Variants in TENM1 observed in about 807,000 individuals in gnomAD.
TENM1 encodes the protein teneurin-1.
TENM1 carries 35 observed loss-of-function variants against 174.8 expected under a neutral mutation model. The observed-to-expected ratio is 0.20, with a 90% CI of 0.15 to 0.27. The LOEUF (loss-of-function observed/expected upper bound fraction) is 0.27, where lower values mean the gene tolerates loss of function less well. Among genes scored for constraint, TENM1 ranks in the 10% least tolerant of loss-of-function variants. The probability of loss-of-function intolerance (pLI) is 1.00; values close to 1 mark genes in which losing one functional copy is unlikely to be tolerated. For synonymous variants in TENM1, 781 were observed against 798.7 expected, an observed-to-expected ratio of 0.98 and a Z score of 0.37; for missense variants, 1,633 against 2,130.1, an observed-to-expected ratio of 0.77 and a Z score of 4.59.
intron 4 of TENM1, among the ~76,000 whole-genome samples, chrX:124,710,473 G>T (rs370916680): frequency 6.0e-4 from 67 of 111,813 alleles, no homozygotes; most frequent in African/African-American, 2.0e-3. Context: ...ATAATATTAA[G>T]AGGTGGAAGG....
chrX:125,033,495 G>A, the TENM1 span, among the ~76,000 whole-genome samples: 2 of 111,549 alleles, frequency 1.8e-5, no homozygotes, highest in South Asian at 3.8e-4. Flanking sequence ...AAGCTGTGAC[G>A]ATACAGCCTG....
intron 6 of TENM1, among the ~76,000 whole-genome samples, chrX:124,664,291 TG>T (rs1267648887): frequency 9.0e-6 from 1 of 111,080 alleles, no homozygotes; most frequent in African/African-American, 3.3e-5. Flanking sequence ...GAACCAATAT[TG>T]CAGAACCACA....
chrX:124,757,642 C>T (rs1396521492), intron 3 of TENM1, among the ~76,000 whole-genome samples: 1 of 112,058 alleles, frequency 8.9e-6, no homozygotes, highest in Non-Finnish European at 1.9e-5. Flanking sequence ...CTTTGTCACT[C>T]AGTATAATAG....
In TENM1 at chrX:124,517,778, G is replaced by A. The variant is rs2047747080; in HGVS notation, c.3301+2739C>T. On this transcript the variant is annotated intron_variant, in intron 18 of 31. Coordinates refer to ENST00000422452, the Ensembl canonical transcript of TENM1. ...GTATACATATGTAACAAACCTGGAC[G>A]TTGTGCACATGTACCCTACAACTTA... Among the ~76,000 whole-genome samples, 4 of 108,946 alleles carry A rather than the reference G, an allele frequency of 3.7e-5. No individual in the cohort carries two copies. The South Asian group carries it at 1.2e-3, about 34-fold the overall frequency. 94.6% of individuals were successfully genotyped at this position (108,946 alleles called of 115,157 possible).
chrX:124,460,284 T>C (rs1240003778), intron 22 of TENM1, among the ~76,000 whole-genome samples: 1 of 111,706 alleles, frequency 9.0e-6, no homozygotes, highest in Non-Finnish European at 1.9e-5. Context: ...CACGTGTATG[T>C]TCATTGCAGC....
chrX:124,781,484 T>C (rs2054911217), intron 3 of TENM1, among the ~76,000 whole-genome samples: 1 of 112,105 alleles, frequency 8.9e-6, no homozygotes, highest in African/African-American at 3.2e-5. Flanking sequence ...ATACTCTACT[T>C]TATTTTCCTA....
At chrX:124,438,388 T>C (rs1307246623) in intron 23 of TENM1, among the ~76,000 whole-genome samples, 1 of 110,703 alleles carries the variant, frequency 9.0e-6, no homozygotes, top group African/African-American at 3.3e-5. Context: ...GATATTTCTG[T>C]ATCTTAGAGA....
chrX:124,558,077 T>C (rs1209845666), intron 14 of TENM1, among the ~76,000 whole-genome samples: 1 of 112,232 alleles, frequency 8.9e-6, no homozygotes, highest in African/African-American at 3.2e-5. Flanking sequence ...ATACATAAGA[T>C]AGCTTTCCTT....
chrX:124,810,978 A>G (rs186311349), intron 3 of TENM1, among the ~76,000 whole-genome samples: 2 of 111,676 alleles, frequency 1.8e-5, no homozygotes, highest in East Asian at 5.6e-4. Flanking sequence ...AGTTGTTAAG[A>G]AATCTGGTAT....
At chrX:124,984,605 C>A in the TENM1 span, among the ~76,000 whole-genome samples, 1 of 111,624 alleles carries the variant, frequency 9.0e-6, no homozygotes, top group East Asian at 2.8e-4. Flanking sequence ...GATTCTTTGA[C>A]CTTCAGGGCA....
intron 18 of TENM1, among the ~76,000 whole-genome samples, chrX:124,507,075 C>T (rs1012994469): frequency 9.1e-6 from 1 of 110,296 alleles, no homozygotes; most frequent in African/African-American, 3.3e-5. Flanking sequence ...CAGTCTCTAG[C>T]ACTCTGGAGT....
intron 23 of TENM1, among the ~76,000 whole-genome samples, chrX:124,434,894 T>G (rs1327598210): frequency 8.9e-6 from 1 of 112,180 alleles, no homozygotes; most frequent in African/African-American, 3.2e-5. Context: ...TCTCAGCCCT[T>G]CTGGGGGTGG....
At chrX:125,166,935 A>G in the TENM1 span, among the ~76,000 whole-genome samples, 1 of 111,841 alleles carries the variant, frequency 8.9e-6, no homozygotes, top group African/African-American at 3.2e-5. Context: ...CAATGACAAA[A>G]TGGAGCAGCT....
chrX:124,775,528 T>C (rs1460395836), intron 3 of TENM1, among the ~76,000 whole-genome samples: 2 of 111,554 alleles, frequency 1.8e-5, no homozygotes, highest in African/African-American at 6.5e-5. Flanking sequence ...AGAGGAAGTC[T>C]GAAAAAAGGT....
At chrX:125,136,781 T>TATTTACACTGTA in the TENM1 span, among the ~76,000 whole-genome samples, 1 of 111,932 alleles carries the variant, frequency 8.9e-6, no homozygotes. Context: ...GTATAACAAT[T>TATTTACACTGTA]ATTTACACTG....
exon 2 of TENM1, chrX:124,896,082 C>G (rs1229054621): frequency 8.3e-7 from 1 of 1,211,530 alleles, no homozygotes; most frequent in Middle Eastern, 2.3e-4. Flanking sequence ...TTTCATTCCC[C>G]TTATCCACAT....
intron 16 of TENM1, among the ~76,000 whole-genome samples, chrX:124,529,223 C>G (rs1294424654): frequency 8.9e-6 from 1 of 112,073 alleles, no homozygotes; most frequent in African/African-American, 3.2e-5. Context: ...GAATCAATGT[C>G]TGTCTAAATG....
chrX:125,201,502 T>A, the TENM1 span, among the ~76,000 whole-genome samples: 1 of 111,879 alleles, frequency 8.9e-6, no homozygotes, highest in African/African-American at 3.3e-5. Flanking sequence ...CTACTTCATG[T>A]ATGCAAAAAT....
chrX:124,459,939 A>C (rs1428052225), intron 22 of TENM1, among the ~76,000 whole-genome samples: 1 of 112,558 alleles, frequency 8.9e-6, no homozygotes, highest in East Asian at 2.8e-4. Context: ...AACACTTCTC[A>C]AAAGAAGACA....
Sources: gnomAD v4.1 joint callset for allele counts (sites outside exome capture counted in the v4.1 genomes callset) on GRCh38, gnomAD v4.1.1 for gene constraint, MANE v1.5 for transcripts, NCBI Gene and HGNC (gene_info 2026-07-23, HGNC 2026-07-21) for gene names.